The following KCND2 variants were observed in gnomAD, a reference collection of about 807,000 sequenced individuals.
The protein encoded by KCND2 is potassium voltage-gated channel subfamily D member 2.
A neutral mutation model predicts 54.4 loss-of-function variants in KCND2; 16 were observed. That is an observed-to-expected ratio of 0.29 (90% CI 0.20 to 0.45). The LOEUF (loss-of-function observed/expected upper bound fraction) is 0.45. Ranked by LOEUF, KCND2 falls within the 20% of genes least tolerant of loss-of-function variation. The pLI is 1.00. For synonymous variants in KCND2, 317 were observed against 310.7 expected (o/e 1.02, Z -0.21); for missense variants, 486 against 824.2 (o/e 0.59, Z 5.02).
intron 1 of KCND2, among the ~76,000 whole-genome samples, chr7:120,608,784 T>G (rs1389079131): frequency 6.6e-6 from 1 of 152,104 alleles, no homozygotes; most frequent in Non-Finnish European, 1.5e-5. Context: ...CACCTGAAGT[T>G]GAAAAATTCA....
chr7:120,678,372 T>TATAC (rs1554385180), intron 1 of KCND2, among the ~76,000 whole-genome samples: 201 of 133,494 alleles, frequency 1.5e-3, no homozygotes, highest in African/African-American at 4.6e-3. Flanking sequence ...TATATATATA[T>TATAC]ACGCACACAC....
At chr7:120,502,901 C>T (rs1802956910) in intron 1 of KCND2, among the ~76,000 whole-genome samples, 1 of 152,052 alleles carries the variant, frequency 6.6e-6, no homozygotes, top group Non-Finnish European at 1.5e-5. Flanking sequence ...ACTCACAGCA[C>T]AATTCTGTCC....
chr7:120,722,904 C>G (rs1792686439), intron 1 of KCND2, among the ~76,000 whole-genome samples: 1 of 152,082 alleles, frequency 6.6e-6, no homozygotes, highest in Non-Finnish European at 1.5e-5. Context: ...ATGAACAGTT[C>G]CAGGGGTGTC....
At chr7:120,673,905 A>ATT (rs1214761156) in intron 1 of KCND2, among the ~76,000 whole-genome samples, 10 of 136,086 alleles carry the variant, frequency 7.3e-5, no homozygotes, top group Admixed American at 3.6e-4. Flanking sequence ...TGCCTCTTTT[A>ATT]TTTATTTTTT....
intron 1 of KCND2, among the ~76,000 whole-genome samples, chr7:120,483,254 A>G (rs141697868): frequency 1.8e-3 from 272 of 152,330 alleles, no homozygotes; most frequent in Middle Eastern, 0.01. Context: ...TATGGCTTTC[A>G]ACAAAGGGAA....
At chr7:120,743,513 A>G (rs555908306) in intron 4 of KCND2, among the ~76,000 whole-genome samples, 12 of 152,308 alleles carry the variant, frequency 7.9e-5, no homozygotes, top group African/African-American at 2.2e-4. Flanking sequence ...GTTACTGGAA[A>G]AGAGCAGCGA....
intron 1 of KCND2, among the ~76,000 whole-genome samples, chr7:120,702,319 G>T (rs965206431): frequency 6.6e-6 from 1 of 152,110 alleles, no homozygotes; most frequent in African/African-American, 2.4e-5. Flanking sequence ...GCAGAAAAAA[G>T]GAATGCTTAT....
At chr7:120,404,070 C>G (rs4370473) in intron 1 of KCND2, among the ~76,000 whole-genome samples, 13,390 of 151,858 alleles carry the variant, frequency 0.088, 1,053 homozygotes, top group African/African-American at 0.22. Context: ...TTTATTAAGA[C>G]AAAAAAACTA....
At chr7:120,428,898 T>G (rs2116158685) in intron 1 of KCND2, among the ~76,000 whole-genome samples, 1 of 152,302 alleles carries the variant, frequency 6.6e-6, no homozygotes, top group Non-Finnish European at 1.5e-5. Context: ...AGGTCCTTTA[T>G]TTTTACCTCT....
chr7:120,426,544 A>G (rs1436422726), intron 1 of KCND2, among the ~76,000 whole-genome samples: 3 of 150,678 alleles, frequency 2.0e-5, no homozygotes, highest in Non-Finnish European at 1.5e-5. Context: ...CCCTTTGGAG[A>G]CTGTTGTAAA....
intron 1 of KCND2, among the ~76,000 whole-genome samples, chr7:120,644,381 G>T (rs955311390): frequency 6.6e-6 from 1 of 152,120 alleles, no homozygotes; most frequent in Non-Finnish European, 1.5e-5. Flanking sequence ...ATCTAGAAAG[G>T]TAGAAGCTAT....
intron 1 of KCND2, among the ~76,000 whole-genome samples, chr7:120,574,293 A>G (rs1353266313): frequency 6.6e-6 from 1 of 152,178 alleles, no homozygotes; most frequent in Non-Finnish European, 1.5e-5. Context: ...ACCACTGTAA[A>G]GTGTCTTTGA....
intron 1 of KCND2, among the ~76,000 whole-genome samples, chr7:120,709,365 A>G (rs1018664159): frequency 7.2e-5 from 11 of 152,312 alleles, no homozygotes; most frequent in African/African-American, 2.4e-4. Flanking sequence ...CCAAAATTGC[A>G]CAATTCTTAT....
intron 1 of KCND2, among the ~76,000 whole-genome samples, chr7:120,355,178 A>G (rs1800481612): frequency 6.6e-6 from 1 of 152,168 alleles, no homozygotes; most frequent in Non-Finnish European, 1.5e-5. Context: ...AAATACCTCT[A>G]CTACACCTAA....
chr7:120,400,107 G>A (rs1801226434), intron 1 of KCND2, among the ~76,000 whole-genome samples: 1 of 152,086 alleles, frequency 6.6e-6, no homozygotes, highest in Non-Finnish European at 1.5e-5. Flanking sequence ...TTCAAAACAT[G>A]TTATAATGCC....
intron 1 of KCND2, among the ~76,000 whole-genome samples, chr7:120,343,506 G>A (rs1800271442): frequency 6.6e-6 from 1 of 152,132 alleles, no homozygotes. Flanking sequence ...GAATTAATCT[G>A]TAGTATATTC....
At chr7:120,588,562 A>G (rs1229566470) in intron 1 of KCND2, among the ~76,000 whole-genome samples, 1 of 152,114 alleles carries the variant, frequency 6.6e-6, no homozygotes, top group Non-Finnish European at 1.5e-5. Flanking sequence ...TAAGCAGAGC[A>G]CTATTCACCC....
chr7:120,397,555 T>G lies in KCND2; in HGVS notation c.1115+121808T>G, dbSNP rs552997845. ...CTACATTTTGCTAAGTTTAATAATA[T>G]TCTTCAATTTCTTTAAAATGTATTG... On this transcript the variant is annotated intron_variant, in intron 1 of 5. Coordinates refer to ENST00000331113, the MANE Select transcript of KCND2 (RefSeq NM_012281.3). Among the ~76,000 whole-genome samples, 5 of 152,154 alleles carry G rather than the reference T, an allele frequency of 3.3e-5. No individual in the cohort carries two copies. In the South Asian group the frequency reaches 1.0e-3, roughly 32 times the overall value.
chr7:120,532,687 A>G (rs1006075259), intron 1 of KCND2, among the ~76,000 whole-genome samples: 22 of 152,024 alleles, frequency 1.4e-4, no homozygotes, highest in African/African-American at 4.1e-4. Flanking sequence ...ATTAAAATAC[A>G]AATATATTAA....
Sources: gnomAD v4.1 joint callset for allele counts (sites outside exome capture counted in the v4.1 genomes callset) on GRCh38, gnomAD v4.1.1 for gene constraint, MANE v1.5 for transcripts, NCBI Gene and HGNC (gene_info 2026-07-23, HGNC 2026-07-21) for gene names.